POLR3K: variants seen among roughly 807,000 people sequenced by gnomAD.
POLR3K encodes RNA polymerase III subunit K.
POLR3K carries 11 observed loss-of-function variants against 13.5 expected under a neutral mutation model. That is an observed-to-expected ratio of 0.81 (90% CI 0.51 to 1.35). POLR3K has a LOEUF of 1.35. Ranked by LOEUF, POLR3K falls within the 40% of genes most tolerant of loss-of-function variation. The probability of loss-of-function intolerance (pLI) is 0.00; values close to 1 mark genes in which losing one functional copy is unlikely to be tolerated. For missense variants in POLR3K, 144 were observed against 145.3 expected (o/e 0.99, Z 0.05); for synonymous variants, 56 against 51.5 (o/e 1.09, Z -0.38).
At position 46,907 on chromosome 16, in the gene POLR3K, G is replaced by A. The variant is rs1897288620; in HGVS notation, c.*523C>T. Reference sequence around the variant, plus strand: ...TCGTAGCCTGTTCAAATGTAAGTATGTAGTCTATTCTGGGATCACTGTGAT... The same window carrying A: ...TCGTAGCCTGTTCAAATGTAAGTATATAGTCTATTCTGGGATCACTGTGAT... On this transcript the variant is annotated 3_prime_UTR_variant, in exon 3 of 3. Coordinates refer to ENST00000293860, the MANE Select transcript of POLR3K (RefSeq NM_016310.5). 2 of 152,226 alleles carry A rather than the reference G, an allele frequency of 1.3e-5. No homozygotes were observed. The highest frequency in any genetic ancestry group is 4.1e-4 in the South Asian group (2 of 4,826). 9.4% of individuals were successfully genotyped at this position (152,226 alleles called of 1,614,324 possible). A position where few individuals can be genotyped will look rare whatever the true frequency, so the allele number is the denominator to read the frequency against.
chr16:50,514 T>C (rs1171590381), intron 2 of POLR3K, among the ~76,000 whole-genome samples: 3 of 152,160 alleles, frequency 2.0e-5, no homozygotes, highest in South Asian at 2.1e-4. Flanking sequence ...GTAATTTATA[T>C]AGACAAAAGG....
intron 1 of POLR3K, 114 bp downstream of exon 1, chr16:53,362 C>G (rs948054607): frequency 5.5e-6 from 8 of 1,447,046 alleles, no homozygotes; most frequent in Middle Eastern, 2.2e-4. Flanking sequence ...GAAAGGGGCG[C>G]GAGAAAGAGC....
Position 52,789 on chromosome 16 carries a change from A to T in POLR3K, c.111+687T>A, listed in dbSNP as rs1250788824. 1.5e-3 allele frequency among the ~76,000 whole-genome samples: 39 copies of T among 26,232 alleles called. 2 individuals carry two copies. Among genetic ancestry groups the T allele is most frequent in the African/African-American group, 4.6e-3 (36 of 7,902 alleles). The allele number at this position is 26,232 out of a possible 152,430, so 17.2% of individuals were successfully genotyped here. ...TCAAAAAAAAAAAAAAAAAAAAAAA[A>T]AAAAAACAATAAAAAAAAATAAAGA... On this transcript the variant is annotated intron_variant, in intron 1 of 2. Coordinates refer to ENST00000293860, the MANE Select transcript of POLR3K (RefSeq NM_016310.5).
chr16:53,423 C>A (rs2541593), intron 1 of POLR3K, 53 bp downstream of exon 1: 1,225,088 of 1,545,188 alleles, frequency 0.79, 487,700 homozygotes, highest in Non-Finnish European at 0.81. Context: ...AGTCGGAGGA[C>A]GCGGAAGGCC....
chr16:53,532 G>A lies in POLR3K; in HGVS notation c.55C>T (p.Arg19Cys). Residue 19 changes from arginine to cysteine, a missense_variant, in exon 1 of 3, where the codon CGC becomes TGC. Transcript: ENST00000293860. ...GNGLIVEEGQRCHRFACNTCP... is the reference protein window; with the variant it reads ...GNGLIVEEGQCCHRFACNTCP... ...GTGTTGCAGGCGAAGCGGTGGCAGC[G>A]TTGTCCCTCCTCCACGATCAGCCCG... is the stretch of plus-strand genomic sequence containing the variant. 1.2e-6 allele frequency: 2 copies of A among 1,613,228 alleles called. No individual in the cohort carries two copies. The highest frequency in any genetic ancestry group is 2.2e-5 in the East Asian group (1 of 44,736).
intron 2 of POLR3K, 117 bp downstream of exon 2, chr16:51,441 T>C: frequency 3.9e-6 from 3 of 762,192 alleles, no homozygotes; most frequent in Non-Finnish European, 6.4e-6. Context: ...TCAAGAACCA[T>C]TTTCTATTTT....
intron 2 of POLR3K, among the ~76,000 whole-genome samples, chr16:50,416 T>G (rs1897321728): frequency 6.6e-6 from 1 of 152,224 alleles, no homozygotes; most frequent in African/African-American, 2.4e-5. Context: ...AATCTGCAGT[T>G]TAATGCTCAC....
chr16:52,678 G>A (rs1483923232), intron 1 of POLR3K, among the ~76,000 whole-genome samples: 7 of 139,358 alleles, frequency 5.0e-5, no homozygotes, highest in African/African-American at 1.3e-4. Context: ...AGGCAGGAGA[G>A]TGGCGTGAAC....
chr16:51,522 C>A, intron 2 of POLR3K, 36 bp downstream of exon 2: 1 of 1,547,690 alleles, frequency 6.5e-7, no homozygotes, highest in Non-Finnish European at 8.9e-7. Flanking sequence ...TCATAATTAT[C>A]CACAGTTTAG....
rs1037005238 is a variant in POLR3K, at chr16:53,320, G to T, written c.111+156C>A. 2.8e-5 allele frequency: 38 copies of T among 1,360,082 alleles called. No homozygotes were observed. The African/African-American group carries it at 4.8e-4, about 17-fold the overall frequency. The allele number at this position is 1,360,082 out of a possible 1,614,324, so 84.3% of individuals were successfully genotyped here. On this transcript the variant is annotated intron_variant, in intron 1 of 2. Coordinates refer to ENST00000293860, the MANE Select transcript of POLR3K (RefSeq NM_016310.5). Reference sequence around the variant, plus strand: ...ACGGTGGGGCTTTCTGAGTGTATTGGAAAGTAGAGCCCACAGATCTGCTGC... The same window carrying T: ...ACGGTGGGGCTTTCTGAGTGTATTGTAAAGTAGAGCCCACAGATCTGCTGC...
rs767411954 is a variant in POLR3K at position 52,446 on chromosome 16, C to CAAAAAAAAAAA, written c.112-812_112-802dup. On this transcript the variant is annotated intron_variant, in intron 1 of 2. Coordinates refer to ENST00000293860, the MANE Select transcript of POLR3K (RefSeq NM_016310.5). ...TGGGAAACAGAGCGAGACTCTGTCT[C>CAAAAAAAAAAA]AAAAAAAAAAAAAAAAAAAAAAAAA... Among the ~76,000 whole-genome samples the CAAAAAAAAAAA allele has an allele frequency of 1.2e-4, 9 of 74,194 alleles. 1 individual carries two copies. The highest frequency in any genetic ancestry group is 2.0e-4 in the Non-Finnish European group (8 of 40,092). The allele number at this position is 74,194 out of a possible 152,430, so 48.7% of individuals were successfully genotyped here. A position where few individuals can be genotyped will look rare whatever the true frequency, so the allele number is the denominator to read the frequency against.
Position 51,389 on chromosome 16 carries a change from G to T in POLR3K, c.199+169C>A, listed in dbSNP as rs567338241. ...TCCAAGGCTGGCACAAATATTGCTT[G>T]TCTGACAGATTATTAAACAGTAACA... On this transcript the variant is annotated intron_variant, in intron 2 of 2. Transcript: ENST00000293860. Among the ~76,000 whole-genome samples, 5 of 152,310 alleles carry T rather than the reference G, an allele frequency of 3.3e-5. No individual in the cohort carries two copies. In the East Asian group the frequency reaches 7.7e-4, roughly 23 times the overall value.
chr16:49,697 T>G (rs1897315334), intron 2 of POLR3K, among the ~76,000 whole-genome samples: 1 of 149,622 alleles, frequency 6.7e-6, no homozygotes, highest in Non-Finnish European at 1.5e-5. Context: ...TAGAGTGCAA[T>G]AGCACGATCT....
At chr16:47,611 C>A in intron 2 of POLR3K, 54 bp from the exon 3 acceptor site, 1 of 1,579,244 alleles carries the variant, frequency 6.3e-7, no homozygotes, top group Non-Finnish European at 8.6e-7. Context: ...CTACTCATGG[C>A]TGTCAAAAGT....
intron 2 of POLR3K, among the ~76,000 whole-genome samples, chr16:50,872 T>C (rs1357315979): frequency 1.2e-4 from 19 of 152,172 alleles, no homozygotes; most frequent in Non-Finnish European, 1.8e-4. Context: ...TGGGGATGCC[T>C]CAGGAAACCT....
chr16:51,773 C>A, intron 1 of POLR3K, 128 bp from the exon 2 acceptor site: 2 of 704,524 alleles, frequency 2.8e-6, no homozygotes, highest in Non-Finnish European at 4.8e-6. Flanking sequence ...GTAATCCCAG[C>A]ACTTTGGGAG....
chr16:48,076 G>C (rs1897300168), intron 2 of POLR3K, among the ~76,000 whole-genome samples: 1 of 150,864 alleles, frequency 6.6e-6, no homozygotes, highest in Admixed American at 6.6e-5. Flanking sequence ...ATTTTTAGTA[G>C]AGACAGGTTT....
chr16:51,338 G>A (rs566429312), intron 2 of POLR3K, among the ~76,000 whole-genome samples: 2 of 152,316 alleles, frequency 1.3e-5, no homozygotes, highest in Middle Eastern at 3.4e-3. Context: ...AGGTTGCCCT[G>A]AGAATCTGAC....
Position 51,564 on chromosome 16 carries a change from TAG to T in POLR3K, c.191_192del (p.Ser64TyrfsTer25), listed in dbSNP as rs1189808443. 1.2e-6 allele frequency: 2 copies of T among 1,613,164 alleles called. No individual in the cohort carries two copies. Among genetic ancestry groups the T allele is most frequent in the South Asian group, 1.1e-5 (1 of 91,056 alleles). On this transcript the variant is annotated frameshift_variant, in exon 2 of 3. Coordinates refer to ENST00000293860, the MANE Select transcript of POLR3K (RefSeq NM_016310.5). LOFTEE classifies it high-confidence loss of function. ...AAACAGTTTTCCCTCTTACCTGCAG[TAG>T]AGTCAACATTCTCCCAGGCAGCTGC... ...GGAAAWENVD[S>X]TAESCPKCEH...
Sources: allele counts gnomAD v4.1 joint callset (sites outside exome capture counted in the v4.1 genomes callset), GRCh38; gene constraint gnomAD v4.1.1; transcripts MANE v1.5; gene names NCBI Gene and HGNC (gene_info 2026-07-23, HGNC 2026-07-21).